Variants in MZT2A observed in about 807,000 individuals in gnomAD.
The protein encoded by MZT2A is mitotic spindle organizing protein 2A, also known as mitotic-spindle organizing protein 2A.
A neutral mutation model predicts 12.4 loss-of-function variants in MZT2A; 8 were observed. That is an observed-to-expected ratio of 0.64 (90% CI 0.38 to 1.16). The LOEUF (loss-of-function observed/expected upper bound fraction) is 1.16, where lower values mean the gene tolerates loss of function less well. Among genes scored for constraint, MZT2A ranks in the 50% most tolerant of loss-of-function variants. MZT2A has a pLI of 0.01. For missense variants in MZT2A, 181 were observed against 223.6 expected (o/e 0.81, Z 1.22); for synonymous variants, 88 against 107.5 (o/e 0.82, Z 1.12).
chr2:131,480,071 G>A (rs775759620), downstream of MZT2A: 28 of 1,581,206 alleles, frequency 1.8e-5, no homozygotes, highest in East Asian at 2.9e-4. Context: ...TCTCTCAGGC[G>A]GATCTGTGCA....
downstream of MZT2A, chr2:131,480,376 A>G (rs746027442): frequency 1.2e-6 from 2 of 1,607,684 alleles, no homozygotes; most frequent in Middle Eastern, 1.7e-4. Context: ...ACCAACCTCA[A>G]TCGCCTGATT....
At chr2:131,477,412 C>T (rs1678710359) in intron 2 of MZT2A, among the ~76,000 whole-genome samples, 1 of 152,134 alleles carries the variant, frequency 6.6e-6, no homozygotes, top group African/African-American at 2.4e-5. Flanking sequence ...TTACAGGCTT[C>T]AAGGGGTAGA....
At chr2:131,481,409 T>C (rs747895341), downstream of MZT2A, among the ~76,000 whole-genome samples, 3 of 150,682 alleles carry the variant, frequency 2.0e-5, no homozygotes, top group Non-Finnish European at 1.5e-5. Context: ...GCTGGGACCA[T>C]AGACATGCAA....
chr2:131,485,222 C>G (rs539266102), intron 2 of MZT2A, among the ~76,000 whole-genome samples: 9 of 152,298 alleles, frequency 5.9e-5, no homozygotes, highest in African/African-American at 2.2e-4. Context: ...TTTCATCCCC[C>G]CAGCATTTCC....
chr2:131,490,453 C>A, intron 2 of MZT2A: 1 of 1,351,926 alleles, frequency 7.4e-7, no homozygotes, highest in Non-Finnish European at 9.6e-7. Context: ...TCTTTACACT[C>A]ACCACTAGTT....
chr2:131,480,336 C>T (rs375861833), downstream of MZT2A: 32 of 1,612,048 alleles, frequency 2.0e-5, no homozygotes, highest in Admixed American at 3.3e-5. Flanking sequence ...CATATGTCGG[C>T]GCAACCTGGA....
At position 131,490,959 on chromosome 2, in the gene MZT2A, G is replaced by A. The variant is rs1451010468; in HGVS notation, c.319+917C>T. 5.2e-6 allele frequency: 8 copies of A among 1,549,028 alleles called. No individual in the cohort carries two copies. In the African/African-American group the frequency reaches 5.5e-5, roughly 11 times the overall value. On this transcript the variant is annotated intron_variant, in intron 2 of 2. Coordinates refer to ENST00000309451, the MANE Select transcript of MZT2A (RefSeq NM_001085365.2). Reference sequence around the variant, plus strand: ...GGGTCAGTGAAGAGGCCAGCACGCAGGTGCCCGGGCCCTCTTGGGTCAGCG... The same window carrying A: ...GGGTCAGTGAAGAGGCCAGCACGCAAGTGCCCGGGCCCTCTTGGGTCAGCG...
chr2:131,472,914 C>G (rs1678497004), intron 2 of MZT2A, among the ~76,000 whole-genome samples: 2 of 151,246 alleles, frequency 1.3e-5, no homozygotes, highest in South Asian at 4.2e-4. Context: ...GAATGGTGTC[C>G]CCCCCCACCA....
upstream of MZT2A, chr2:131,493,278 G>A: frequency 7.5e-7 from 1 of 1,331,104 alleles, no homozygotes; most frequent in South Asian, 2.0e-5. Context: ...CGGGCAGGCT[G>A]GGGAGTGGAG....
In MZT2A at chr2:131,476,239, G is replaced by A. The variant is rs771483701; in HGVS notation, c.279-4057C>T. 27 of 1,613,714 alleles carry A rather than the reference G, an allele frequency of 1.7e-5. No individual in the cohort carries two copies. In the Admixed American group the frequency reaches 1.8e-4, roughly 11 times the overall value. On this transcript the variant is annotated intron_variant and NMD_transcript_variant, in intron 2 of 4. Coordinates refer to the MZT2A transcript ENST00000427024. ...GTCACTCCCGCCCCGCAGATGCCCA[G>A]GCAGACGAAGTTGGCCTCGGGTGGA...
downstream of MZT2A, chr2:131,480,512 C>T: frequency 6.3e-7 from 1 of 1,598,186 alleles, no homozygotes; most frequent in Non-Finnish European, 8.5e-7. Context: ...CCACCTATGC[C>T]CCAGTCATCT....
chr2:131,488,811 G>A (rs1679163017), intron 2 of MZT2A, among the ~76,000 whole-genome samples: 1 of 152,080 alleles, frequency 6.6e-6, no homozygotes, highest in Non-Finnish European at 1.5e-5. Flanking sequence ...ACAGGACCTG[G>A]GCTATGCTTC....
intron 2 of MZT2A, among the ~76,000 whole-genome samples, chr2:131,484,835 T>A (rs1291759959): frequency 6.6e-6 from 1 of 152,128 alleles, no homozygotes; most frequent in African/African-American, 2.4e-5. Flanking sequence ...CCTGCCACAG[T>A]CTGAACGCTT....
downstream of MZT2A, chr2:131,483,923 T>C (rs1199916839): frequency 4.2e-6 from 6 of 1,421,178 alleles, no homozygotes; most frequent in Non-Finnish European, 5.5e-6. Flanking sequence ...TAAGTGTGCC[T>C]TAATATAAAA....
At chr2:131,487,801 C>G (rs1413821145) in intron 2 of MZT2A, among the ~76,000 whole-genome samples, 1 of 152,208 alleles carries the variant, frequency 6.6e-6, no homozygotes, top group East Asian at 1.9e-4. Flanking sequence ...GGGTCTCACT[C>G]TCTCACCCAG....
intron 2 of MZT2A, among the ~76,000 whole-genome samples, chr2:131,473,434 C>T (rs1678534629): frequency 6.7e-6 from 1 of 148,206 alleles, no homozygotes; most frequent in South Asian, 2.1e-4. Context: ...GGGGGAGCTC[C>T]CTCTCTCTTC....
chr2:131,478,494 A>G, intron 2 of MZT2A: 1 of 1,363,968 alleles, frequency 7.3e-7, no homozygotes, highest in South Asian at 1.5e-5. Context: ...TGGGATAGAC[A>G]GGCATATGCC....
At chr2:131,474,255 G>A (rs1322126629) in intron 2 of MZT2A, among the ~76,000 whole-genome samples, 3 of 151,744 alleles carry the variant, frequency 2.0e-5, no homozygotes, top group South Asian at 2.1e-4. Flanking sequence ...CCGCCGCCAC[G>A]CCCGGCTAAT....
rs185171893 is a variant in MZT2A at position 131,474,943 on chromosome 2, C to T, written c.279-2761G>A. 1.7e-3 allele frequency among the ~76,000 whole-genome samples: 263 copies of T among 152,118 alleles called. 1 individual carries two copies. The highest frequency in any genetic ancestry group is 2.1e-3 in the Non-Finnish European group (142 of 67,986). On this transcript the variant is annotated intron_variant and NMD_transcript_variant, in intron 2 of 4. Coordinates refer to the MZT2A transcript ENST00000427024. The stretch of plus-strand genomic sequence containing the variant: ...AACTTGCATCTCCAGGGTTGCACTT[C>T]TCAAACTTGGCCCAAATAAACTCTA...
Sources: allele counts gnomAD v4.1 joint callset (sites outside exome capture counted in the v4.1 genomes callset), GRCh38; gene constraint gnomAD v4.1.1; transcripts MANE v1.5; gene names NCBI Gene and HGNC (gene_info 2026-07-23, HGNC 2026-07-21).